PCNX2: variants seen among roughly 807,000 people sequenced by gnomAD.
The protein encoded by PCNX2 is pecanex-like protein 2.
In PCNX2, 168 loss-of-function variants were observed where a neutral mutation model predicts 223.8. The observed-to-expected ratio is 0.75, with a 90% CI of 0.66 to 0.85. The LOEUF (loss-of-function observed/expected upper bound fraction) is 0.85. PCNX2 is among the 40% of genes least tolerant of loss of function. PCNX2 has a pLI of 0.00. For missense variants in PCNX2, 2,507 were observed against 2,675.5 expected (o/e 0.94, Z 1.39); for synonymous variants, 1,006 against 1,052.6 (o/e 0.96, Z 0.86).
intron 17 of PCNX2, among the ~76,000 whole-genome samples, chr1:233,173,494 T>C (rs1018693680): frequency 5.9e-5 from 9 of 152,238 alleles, no homozygotes; most frequent in African/African-American, 2.2e-4. Context: ...CTAAAAGTGC[T>C]AAGTTCCTTT....
At chr1:233,064,970 T>G (rs1287748470) in intron 23 of PCNX2, among the ~76,000 whole-genome samples, 1 of 152,234 alleles carries the variant, frequency 6.6e-6, no homozygotes, top group Non-Finnish European at 1.5e-5. Context: ...ATACAACTTT[T>G]CAAAGTAATT....
intron 10 of PCNX2, among the ~76,000 whole-genome samples, chr1:233,219,374 G>A (rs2102931874): frequency 6.6e-6 from 1 of 152,222 alleles, no homozygotes; most frequent in South Asian, 2.1e-4. Flanking sequence ...ACTTCTGTGA[G>A]AGGATAAGAT....
chr1:233,289,122 C>G, intron 1 of PCNX2: 1 of 900,076 alleles, frequency 1.1e-6, no homozygotes. Flanking sequence ...ATATTTTGTA[C>G]AGCTTTTCCA....
At chr1:233,102,446 G>A (rs1465090029) in intron 21 of PCNX2, among the ~76,000 whole-genome samples, 1 of 152,094 alleles carries the variant, frequency 6.6e-6, no homozygotes, top group Admixed American at 6.6e-5. Context: ...GCTTTTTGAG[G>A]ACCCTGCATA....
Position 233,200,266 on chromosome 1 carries a change from T to C in PCNX2, c.2864-2A>G. On this transcript the variant is annotated splice_acceptor_variant, in intron 13 of 33. Coordinates refer to ENST00000258229, the MANE Select transcript of PCNX2 (RefSeq NM_014801.4). LOFTEE classifies it high-confidence loss of function. ...TAGCAGGGAAGCAATATAAAAATAC[T>C]GAAAATGAACAAACAAAATTGACGA... The C allele has an allele frequency of 1.3e-6, 2 of 1,554,700 alleles. No individual in the cohort carries two copies. The highest frequency in any genetic ancestry group is 2.4e-5 in the East Asian group (1 of 42,090).
the PCNX2 span, among the ~76,000 whole-genome samples, chr1:233,324,933 G>GA: frequency 2.0e-5 from 3 of 152,154 alleles, no homozygotes; most frequent in East Asian, 5.8e-4. Flanking sequence ...CTATTGCTCA[G>GA]AAAAAAATGA....
Position 233,000,515 on chromosome 1 carries a change from G to A in PCNX2, c.5118C>T (p.Asp1706=), listed in dbSNP as rs141432578. 7.8e-4 allele frequency: 1,254 copies of A among 1,598,554 alleles called. 6 individuals carry two copies. Among genetic ancestry groups the A allele is most frequent in the South Asian group, 6.1e-3 (548 of 89,618 alleles). Residue 1706 remains aspartate, a synonymous_variant, in exon 30 of 34, where the codon GAC becomes GAT. Coordinates refer to ENST00000258229, the MANE Select transcript of PCNX2 (RefSeq NM_014801.4). This position sits in a 1 kb window ranked among gnomAD's most constrained non-coding sequence, Gnocchi z 4.6. ...AGAGGACTGCTGGGTCTTCATACTC[G>A]TCAGGGCAAGTGAACTGGTCCTGGT... ...KLHQDQFTCP[D]EYEDPAVLYE...
chr1:233,133,393 C>CAGA, intron 21 of PCNX2, among the ~76,000 whole-genome samples: 1 of 152,232 alleles, frequency 6.6e-6, no homozygotes, highest in Non-Finnish European at 1.5e-5. Context: ...ATAAGTTAAT[C>CAGA]AGAACAGAAC....
At chr1:233,246,022 C>CT (rs1466749522) in intron 8 of PCNX2, among the ~76,000 whole-genome samples, 9 of 152,076 alleles carry the variant, frequency 5.9e-5, no homozygotes, top group South Asian at 2.1e-4. Flanking sequence ...TGGAAAAAAA[C>CT]GGAAAATCCT....
chr1:233,222,279 C>A (rs1225444977), intron 10 of PCNX2, among the ~76,000 whole-genome samples: 1 of 152,180 alleles, frequency 6.6e-6, no homozygotes, highest in African/African-American at 2.4e-5. Context: ...TTAGTGGCTA[C>A]AGCATGGGGG....
At chr1:233,183,618 T>A (rs1329143312) in intron 15 of PCNX2, among the ~76,000 whole-genome samples, 1 of 152,196 alleles carries the variant, frequency 6.6e-6, no homozygotes, top group Admixed American at 6.5e-5. Flanking sequence ...AAACTTGAGT[T>A]TTATGCTTTC....
Position 233,057,273 on chromosome 1 carries a change from T to G in PCNX2, c.4094A>C (p.Asn1365Thr), listed in dbSNP as rs1198361292. 62 of 1,610,246 alleles carry G rather than the reference T, an allele frequency of 3.9e-5. No homozygotes were observed. The highest frequency in any genetic ancestry group is 5.3e-5 in the Non-Finnish European group (62 of 1,177,692). The change falls in exon 24 of 34, where the codon AAT becomes ACT. Residue 1365 changes from asparagine (N) to threonine (T), a missense_variant. This residue lies in a region of PCNX2 where 1,372 missense variants were observed against 1,509.4 expected (regional missense o/e 0.91). Transcript: ENST00000258229. ...EKNYNTRRVD[N>T]SNTRLAVQIE... ...TTGGACTGCCAGTCTTGTGTTGGAA[T>G]TATCCACTCGCCTTGTACTAGAAGA...
At chr1:233,082,690 T>C (rs916194086) in intron 23 of PCNX2, among the ~76,000 whole-genome samples, 2 of 152,224 alleles carry the variant, frequency 1.3e-5, no homozygotes, top group African/African-American at 4.8e-5. Context: ...AGCTCAATGC[T>C]TTGCAAAGAT....
chr1:232,987,951 G>A (rs918565561), intron 32 of PCNX2, among the ~76,000 whole-genome samples: 2 of 152,214 alleles, frequency 1.3e-5, no homozygotes, highest in South Asian at 4.1e-4. Context: ...TCCGCAGGAC[G>A]GGGCTGCCCT....
At chr1:233,083,844 G>A (rs930482798) in intron 23 of PCNX2, among the ~76,000 whole-genome samples, 7 of 152,122 alleles carry the variant, frequency 4.6e-5, no homozygotes, top group African/African-American at 7.2e-5. Context: ...GATGGTACAC[G>A]ATCTATATGA....
chr1:233,257,427 G>A (rs1176124365), intron 5 of PCNX2, among the ~76,000 whole-genome samples: 1 of 152,220 alleles, frequency 6.6e-6, no homozygotes, highest in Admixed American at 6.5e-5. Context: ...CAAAGTCAGT[G>A]CTCTTAATAA....
At chr1:233,217,601 G>A (rs755031172) in intron 12 of PCNX2, among the ~76,000 whole-genome samples, 5 of 152,036 alleles carry the variant, frequency 3.3e-5, no homozygotes, top group African/African-American at 7.2e-5. Flanking sequence ...CAACGTCTGC[G>A]GTCTTCCCCC....
chr1:233,290,752 TA>T (rs1288377155), intron 1 of PCNX2: 1 of 983,928 alleles, frequency 1.0e-6, no homozygotes, highest in African/African-American at 1.8e-5. Flanking sequence ...AGAAGGTCTC[TA>T]AGATTAAATT....
intron 1 of PCNX2, among the ~76,000 whole-genome samples, chr1:233,265,264 T>A (rs6663095): frequency 0.29 from 43,443 of 151,154 alleles, 6,452 homozygotes; most frequent in South Asian, 0.42. Context: ...AAAGGAATTA[T>A]ATTCAAGAGA....
Sources: allele counts gnomAD v4.1 joint callset (sites outside exome capture counted in the v4.1 genomes callset), GRCh38; gene constraint gnomAD v4.1.1; regional missense constraint gnomAD v4.1.1; non-coding constraint Gnocchi (gnomAD v3.1); transcripts MANE v1.5; gene names NCBI Gene and HGNC (gene_info 2026-07-23, HGNC 2026-07-21).